DNAH11: variants seen among roughly 807,000 people sequenced by gnomAD.
DNAH11 encodes dynein axonemal heavy chain 11, also known as axonemal beta dynein heavy chain 11.
Under a neutral mutation model 526.0 loss-of-function variants are expected in DNAH11, and 442 were observed. The observed-to-expected ratio is 0.84, with a 90% CI of 0.78 to 0.91. DNAH11 has a LOEUF of 0.91. DNAH11 is among the 40% of genes least tolerant of loss of function. The pLI, the probability that DNAH11 is intolerant of heterozygous loss-of-function variation, is 0.00. For missense variants in DNAH11, 6,989 were observed against 5,448.7 expected (o/e 1.28, Z -8.90); for synonymous variants, 2,461 against 1,935.9 (o/e 1.27, Z -7.12).
chr7:21,707,469 G>GAACTGATTTA (rs1323160840), intron 39 of DNAH11, among the ~76,000 whole-genome samples: 1 of 152,182 alleles, frequency 6.6e-6, no homozygotes, highest in Non-Finnish European at 1.5e-5. Context: ...TAGTCTAAAT[G>GAACTGATTTA]GTTCAAAGAG....
chr7:21,810,269 C>T (rs1236103237), intron 63 of DNAH11, among the ~76,000 whole-genome samples: 2 of 152,106 alleles, frequency 1.3e-5, no homozygotes, highest in African/African-American at 4.8e-5. Flanking sequence ...CAAATGACTC[C>T]ACTTCTGTCA....
chr7:21,627,275 G>C (rs780354472), intron 25 of DNAH11, among the ~76,000 whole-genome samples: 3 of 152,024 alleles, frequency 2.0e-5, no homozygotes, highest in African/African-American at 7.2e-5. Context: ...ATTTTGTCTT[G>C]GCATGATCCT....
chr7:21,711,680 G>T (rs748662656), intron 41 of DNAH11, 32 bp from the exon 42 acceptor site: 24 of 1,599,786 alleles, frequency 1.5e-5, no homozygotes, highest in Non-Finnish European at 1.8e-5. Context: ...CATTGCTTTT[G>T]CCCATGGGTG....
At chr7:21,575,283 A>G (rs951296070) in intron 8 of DNAH11, among the ~76,000 whole-genome samples, 6 of 152,180 alleles carry the variant, frequency 3.9e-5, no homozygotes, top group African/African-American at 1.2e-4. Flanking sequence ...CTGAGGACCT[A>G]TGGCCTGAGA....
At chr7:21,591,124 T>A (rs1262551186) in intron 13 of DNAH11, 61 bp from the exon 14 acceptor site, 43 of 1,522,516 alleles carry the variant, frequency 2.8e-5, no homozygotes, top group Non-Finnish European at 3.6e-5. Flanking sequence ...TTTACACCTT[T>A]AAGACAGAGA....
intron 68 of DNAH11, among the ~76,000 whole-genome samples, chr7:21,855,993 G>A (rs1782832689): frequency 1.3e-5 from 2 of 152,146 alleles, no homozygotes; most frequent in Admixed American, 1.3e-4. Flanking sequence ...AGGATAAGTA[G>A]GACTTAGCTA....
chr7:21,645,900 A>C (rs756530582), intron 28 of DNAH11, among the ~76,000 whole-genome samples: 19 of 152,198 alleles, frequency 1.2e-4, no homozygotes, highest in Non-Finnish European at 2.5e-4. Flanking sequence ...AAATCTTCTT[A>C]AATTGGACAC....
chr7:21,741,845 G>A (rs934146110), intron 48 of DNAH11, 82 bp from the exon 49 acceptor site: 6 of 1,482,642 alleles, frequency 4.0e-6, no homozygotes, highest in Non-Finnish European at 5.5e-6. Context: ...TGGATACAGG[G>A]AGGAGTGAAA....
chr7:21,620,152 C>T, intron 25 of DNAH11, 74 bp downstream of exon 25: 2 of 1,216,518 alleles, frequency 1.6e-6, no homozygotes, highest in Non-Finnish European at 2.2e-6. Context: ...ATATAGGGTA[C>T]CATGTGATGT....
At chr7:21,800,183 C>G (rs1788908041) in intron 61 of DNAH11, among the ~76,000 whole-genome samples, 1 of 152,210 alleles carries the variant, frequency 6.6e-6, no homozygotes, top group South Asian at 2.1e-4. Flanking sequence ...TTTCGTCCTT[C>G]TCTCTTTCTC....
Position 21,589,419 on chromosome 7 carries a change from T to C in DNAH11, c.2169+16T>C. 1 of 1,579,018 alleles carries C rather than the reference T, an allele frequency of 6.3e-7. No homozygotes were observed. Among genetic ancestry groups the C allele is most frequent in the Non-Finnish European group, 8.6e-7 (1 of 1,162,708 alleles). On this transcript the variant is annotated intron_variant, in intron 12 of 81. Coordinates refer to ENST00000409508, the MANE Select transcript of DNAH11 (RefSeq NM_001277115.2). The stretch of plus-strand genomic sequence containing the variant: ...TGACCCAAAGGTAGGGATTTGATTT[T>C]TTAAGATGATTTATAAGTGCCCTTT...
At chr7:21,823,209 A>AGCT (rs1186148472) in intron 65 of DNAH11, among the ~76,000 whole-genome samples, 2 of 151,970 alleles carry the variant, frequency 1.3e-5, no homozygotes, top group East Asian at 3.9e-4. Flanking sequence ...AGCTTTTTCA[A>AGCT]ATAAACAGGC....
intron 76 of DNAH11, among the ~76,000 whole-genome samples, chr7:21,889,059 C>T (rs1230831108): frequency 6.6e-6 from 1 of 151,812 alleles, no homozygotes; most frequent in Non-Finnish European, 1.5e-5. Context: ...ATTTGTTTCC[C>T]ACCCCATATT....
At chr7:21,684,062 G>A (rs1356308284) in intron 32 of DNAH11, 118 bp downstream of exon 32, 2 of 1,044,508 alleles carry the variant, frequency 1.9e-6, no homozygotes, top group Non-Finnish European at 2.7e-6. Flanking sequence ...TGAAAGTGGT[G>A]AAGAGAATTG....
intron 42 of DNAH11, among the ~76,000 whole-genome samples, chr7:21,715,058 A>G (rs1784600390): frequency 6.6e-6 from 1 of 152,230 alleles, no homozygotes; most frequent in East Asian, 1.9e-4. Context: ...GTATATGCTT[A>G]CAAACATGCA....
At chr7:21,877,083 T>C (rs916605458) in intron 74 of DNAH11, among the ~76,000 whole-genome samples, 1 of 152,210 alleles carries the variant, frequency 6.6e-6, no homozygotes, top group African/African-American at 2.4e-5. Flanking sequence ...GAATGCTATC[T>C]CTCTTGTTAC....
In DNAH11 at chr7:21,742,094, G is replaced by A. The variant is rs1312552637; in HGVS notation, c.8082G>A (p.Met2694Ile). 1.2e-6 allele frequency: 2 copies of A among 1,613,912 alleles called. No individual in the cohort carries two copies. Among genetic ancestry groups the A allele is most frequent in the East Asian group, 2.2e-5 (1 of 44,868 alleles). The change falls in exon 49 of 82, where the codon ATG becomes ATA. Residue 2694 changes from methionine (M) to isoleucine (I), a missense_variant. Met to Ile is a conservative substitution (Grantham distance 10). Transcript: ENST00000409508. ...CAATAGCATTCCATCAGACAATGATGTGTAACTTTTTACCCACGGCTATTA... is the reference window on the plus strand; with the variant it reads ...CAATAGCATTCCATCAGACAATGATATGTAACTTTTTACCCACGGCTATTA... ...QATIAFHQTM[M>I]CNFLPTAIKF...
At chr7:21,552,981 A>G (rs1398795829) in intron 2 of DNAH11, among the ~76,000 whole-genome samples, 3 of 151,476 alleles carry the variant, frequency 2.0e-5, no homozygotes, top group Admixed American at 6.6e-5. Flanking sequence ...GGAGTGTTGT[A>G]CGGGTGACAT....
At chr7:21,614,911 TTAACAG>T (rs1255200271) in intron 20 of DNAH11, among the ~76,000 whole-genome samples, 197 bp from the exon 21 acceptor site, 3 of 152,242 alleles carry the variant, frequency 2.0e-5, no homozygotes, top group Admixed American at 6.5e-5. Flanking sequence ...GTTACTGTGT[TTAACAG>T]TAATCTGTTC....
Sources: allele counts gnomAD v4.1 joint callset (sites outside exome capture counted in the v4.1 genomes callset), GRCh38; gene constraint gnomAD v4.1.1; transcripts MANE v1.5; gene names NCBI Gene and HGNC (gene_info 2026-07-23, HGNC 2026-07-21).